The following MGAT4C variants were observed in gnomAD, a reference collection of about 807,000 sequenced individuals.
MGAT4C encodes alpha-1,3-mannosyl-glycoprotein 4-beta-N-acetylglucosaminyltransferase C.
Under a neutral mutation model 40.1 loss-of-function variants are expected in MGAT4C, and 19 were observed. The observed-to-expected ratio is 0.47, with a 90% CI of 0.33 to 0.70. The LOEUF is 0.70. Among genes scored for constraint, MGAT4C ranks in the 30% least tolerant of loss-of-function variants. The pLI, the probability that MGAT4C is intolerant of heterozygous loss-of-function variation, is 0.02. For synonymous variants in MGAT4C, 181 were observed against 187.1 expected (o/e 0.97, Z 0.27); for missense variants, 491 against 563.2 (o/e 0.87, Z 1.30).
intron 1 of MGAT4C, among the ~76,000 whole-genome samples, chr12:86,771,931 A>T (rs1951647512): frequency 6.6e-6 from 1 of 152,152 alleles, no homozygotes. Flanking sequence ...ATTTTTTATA[A>T]AAAGTATTGA....
chr12:86,420,824 T>C (rs1956808723), intron 3 of MGAT4C, among the ~76,000 whole-genome samples: 1 of 149,684 alleles, frequency 6.7e-6, no homozygotes, highest in Non-Finnish European at 1.5e-5. Flanking sequence ...TGTGTGTGTG[T>C]ATGTATACAT....
intron 2 of MGAT4C, among the ~76,000 whole-genome samples, chr12:86,600,833 G>C (rs1593030310): frequency 6.6e-6 from 1 of 152,228 alleles, no homozygotes; most frequent in Admixed American, 6.5e-5. Context: ...CGGCATCCCT[G>C]TACTCTCGGG....
intron 2 of MGAT4C, among the ~76,000 whole-genome samples, chr12:86,581,141 G>A (rs1003398958): frequency 6.6e-6 from 1 of 151,340 alleles, no homozygotes; most frequent in Admixed American, 6.6e-5. Flanking sequence ...GATTCAGAGG[G>A]TATAAGCATA....
chr12:86,633,927 A>G (rs936601871), intron 2 of MGAT4C, among the ~76,000 whole-genome samples: 2 of 151,714 alleles, frequency 1.3e-5, no homozygotes, highest in Non-Finnish European at 2.9e-5. Context: ...TTTTTTTATT[A>G]TCGCAATGGG....
intron 1 of MGAT4C, among the ~76,000 whole-genome samples, chr12:86,747,389 C>A (rs1951168296): frequency 6.6e-6 from 1 of 151,548 alleles, no homozygotes; most frequent in African/African-American, 2.4e-5. Context: ...TTACTCAATT[C>A]AACTATTTAA....
rs544061381 is a variant in MGAT4C, at chr12:86,433,339, C to T, written c.-120+1818G>A. ...ATACATACACACATTCACACACACA[C>T]GTGTATGTGTGTGTGTGCATATATA... On this transcript the variant is annotated intron_variant, in intron 3 of 7. Transcript: ENST00000548651. Among the ~76,000 whole-genome samples, 99 of 114,254 alleles carry T rather than the reference C, an allele frequency of 8.7e-4. 1 individual carries two copies. Among genetic ancestry groups the T allele is most frequent in the Middle Eastern group, 4.2e-3 (1 of 238 alleles). The allele number at this position is 114,254 out of a possible 152,430, so 75.0% of individuals were successfully genotyped here. A position where few individuals can be genotyped will look rare whatever the true frequency, so the allele number is the denominator to read the frequency against.
At chr12:86,258,523 T>G (rs1952589543), upstream of MGAT4C, among the ~76,000 whole-genome samples, 1 of 152,060 alleles carries the variant, frequency 6.6e-6, no homozygotes, top group Non-Finnish European at 1.5e-5. Flanking sequence ...GCATTTTTGT[T>G]TGTTTGTTCA....
chr12:86,779,475 G>GCCTGTACACTA (rs1232903719), intron 1 of MGAT4C, among the ~76,000 whole-genome samples: 1 of 151,960 alleles, frequency 6.6e-6, no homozygotes, highest in East Asian at 1.9e-4. Flanking sequence ...GGTAGTGTAC[G>GCCTGTACACTA]CCTGTAGTCC....
rs554651704 is a variant in MGAT4C at position 86,764,216 on chromosome 12, G to A, written c.-261-36975C>T. On this transcript the variant is annotated intron_variant, in intron 1 of 7. Transcript: ENST00000548651. Reference sequence around the variant, plus strand: ...ACGGTGCACCAGGAGATTATATCCCGCACCTGGCTTGGAGGGTCCTATGCC... The same window carrying A: ...ACGGTGCACCAGGAGATTATATCCCACACCTGGCTTGGAGGGTCCTATGCC... Among the ~76,000 whole-genome samples, 179 of 152,258 alleles carry A rather than the reference G, an allele frequency of 1.2e-3. 1 individual carries two copies. In the South Asian group the frequency reaches 0.016, roughly 14 times the overall value.
intron 1 of MGAT4C, among the ~76,000 whole-genome samples, chr12:86,197,688 A>C (rs1421340849): frequency 6.6e-6 from 1 of 152,220 alleles, no homozygotes; most frequent in African/African-American, 2.4e-5. Flanking sequence ...GCTCAAACTA[A>C]GATAGACAGA....
intron 1 of MGAT4C, among the ~76,000 whole-genome samples, chr12:86,252,820 G>A (rs994704098): frequency 6.6e-6 from 1 of 151,852 alleles, no homozygotes; most frequent in East Asian, 1.9e-4. Flanking sequence ...TTGTAAAATA[G>A]ACAATAAAAA....
intron 2 of MGAT4C, among the ~76,000 whole-genome samples, chr12:86,709,372 G>C (rs1950517180): frequency 3.9e-5 from 6 of 152,104 alleles, no homozygotes; most frequent in Admixed American, 3.9e-4. Context: ...TTTATCAGCA[G>C]TGTAAAAATG....
chr12:86,339,821 C>T lies in MGAT4C; in HGVS notation c.-119-5694G>A, dbSNP rs149445318. Among the ~76,000 whole-genome samples the T allele has an allele frequency of 2.4e-4, 36 of 152,230 alleles. No homozygotes were observed. In the South Asian group the frequency reaches 3.7e-3, roughly 16 times the overall value. The stretch of plus-strand genomic sequence containing the variant: ...CAATAGTTTTTCTTTTCCTCAAGTA[C>T]GCCAAACTTTGGCCTTTTTCCTTTC... On this transcript the variant is annotated intron_variant, in intron 3 of 7. Transcript: ENST00000548651.
chr12:86,643,491 A>T (rs1371136202), intron 2 of MGAT4C, among the ~76,000 whole-genome samples: 3 of 151,896 alleles, frequency 2.0e-5, no homozygotes, highest in African/African-American at 7.2e-5. Context: ...ACCCACTCAT[A>T]GGAGTAATAT....
chr12:86,754,062 A>G (rs1256760991), intron 1 of MGAT4C, among the ~76,000 whole-genome samples: 2 of 152,174 alleles, frequency 1.3e-5, no homozygotes, highest in African/African-American at 2.4e-5. Context: ...AGCTCTACTT[A>G]TAATAGCCCT....
At chr12:86,712,318 GAGCA>G (rs1205448763) in intron 2 of MGAT4C, among the ~76,000 whole-genome samples, 3 of 152,038 alleles carry the variant, frequency 2.0e-5, no homozygotes, top group Admixed American at 6.6e-5. Context: ...ATGGCATAGG[GAGCA>G]AGAAAGTGTT....
intron 2 of MGAT4C, among the ~76,000 whole-genome samples, chr12:86,726,499 A>G (rs915623435): frequency 6.6e-6 from 1 of 152,146 alleles, no homozygotes; most frequent in African/African-American, 2.4e-5. Flanking sequence ...ATTAAGCAAA[A>G]ATGGTTGATT....
chr12:86,680,870 G>C (rs750154970), intron 2 of MGAT4C, among the ~76,000 whole-genome samples: 2 of 151,794 alleles, frequency 1.3e-5, no homozygotes, highest in African/African-American at 4.8e-5. Flanking sequence ...TGTGAATTTA[G>C]AGCTGTTTGA....
At chr12:86,165,865 T>C (rs1474899381) in intron 1 of MGAT4C, among the ~76,000 whole-genome samples, 1 of 152,170 alleles carries the variant, frequency 6.6e-6, no homozygotes, top group Non-Finnish European at 1.5e-5. Flanking sequence ...GTGCATAAAA[T>C]TGTGATACAG....
Sources: gnomAD v4.1 joint callset for allele counts (sites outside exome capture counted in the v4.1 genomes callset) on GRCh38, gnomAD v4.1.1 for gene constraint, MANE v1.5 for transcripts, NCBI Gene and HGNC (gene_info 2026-07-23, HGNC 2026-07-21) for gene names.